SECISBP2L: variants seen among roughly 807,000 people sequenced by gnomAD.
The protein encoded by SECISBP2L is SECIS binding protein 2 like, also known as selenocysteine insertion sequence-binding protein 2-like.
In SECISBP2L, 43 loss-of-function variants were observed where a neutral mutation model predicts 114.7. The ratio of observed to expected loss-of-function variants is 0.38; its 90% CI spans 0.29 to 0.48. The LOEUF (loss-of-function observed/expected upper bound fraction) is 0.48. SECISBP2L is among the 20% of genes least tolerant of loss of function. The pLI, the probability that SECISBP2L is intolerant of heterozygous loss-of-function variation, is 0.98. For synonymous variants in SECISBP2L, 451 were observed against 439.7 expected, an observed-to-expected ratio of 1.03 and a Z score of -0.32; for missense variants, 1,136 against 1,301.1, an observed-to-expected ratio of 0.87 and a Z score of 1.95.
intron 1 of SECISBP2L, among the ~76,000 whole-genome samples, chr15:49,041,393 C>CT (rs1019206690): frequency 5.3e-5 from 8 of 152,138 alleles, no homozygotes; most frequent in Admixed American, 2.6e-4. Flanking sequence ...GCTCAAGACT[C>CT]TGTCAGAGTA....
At chr15:49,039,292 G>A (rs1031609292) in intron 1 of SECISBP2L, among the ~76,000 whole-genome samples, 1 of 152,040 alleles carries the variant, frequency 6.6e-6, no homozygotes, top group Non-Finnish European at 1.5e-5. Flanking sequence ...ATACAAGCTA[G>A]TAATTTTCAC....
intron 2 of SECISBP2L, among the ~76,000 whole-genome samples, chr15:49,037,178 T>C (rs1279530842): frequency 6.9e-6 from 1 of 143,948 alleles, no homozygotes; most frequent in Non-Finnish European, 1.5e-5. Context: ...TAATATATGC[T>C]AACCATGACA....
At chr15:49,012,889 A>G in intron 11 of SECISBP2L, 72 bp from the exon 12 acceptor site, 1 of 1,469,212 alleles carries the variant, frequency 6.8e-7, no homozygotes, top group Non-Finnish European at 9.2e-7. Context: ...TCCAATAACT[A>G]CAAAAACAAG....
rs749481109 is a variant in SECISBP2L at position 48,999,809 on chromosome 15, A to T, written c.2403+24T>A. On this transcript the variant is annotated intron_variant, in intron 16 of 17. Coordinates refer to ENST00000559471, the MANE Select transcript of SECISBP2L (RefSeq NM_001193489.2). ...TCTGGGGGATGTGCTGGAGAGCAAG[A>T]GTGTGTGTCTTCTAAATTCTTACCT... 5.6e-6 allele frequency: 9 copies of T among 1,609,334 alleles called. No homozygotes were observed. The East Asian group carries it at 1.6e-4, about 28-fold the overall frequency.
intron 16 of SECISBP2L, among the ~76,000 whole-genome samples, chr15:48,999,151 T>C (rs1271749503): frequency 6.6e-6 from 1 of 152,150 alleles, no homozygotes; most frequent in Non-Finnish European, 1.5e-5. Flanking sequence ...CAGGGGAATG[T>C]AGGATATGCA....
rs1423017833 is a variant in SECISBP2L at position 48,992,939 on chromosome 15, A to G, written c.2624-13T>C. On this transcript the variant is annotated splice_polypyrimidine_tract_variant and intron_variant, in intron 17 of 17. Coordinates refer to ENST00000559471, the MANE Select transcript of SECISBP2L (RefSeq NM_001193489.2). ...CTCCAATTTGTTTCTACAAGTATCAAGCAGATTTTTTAAAAACCAGAACAC... is the reference window on the plus strand; with the variant it reads ...CTCCAATTTGTTTCTACAAGTATCAGGCAGATTTTTTAAAAACCAGAACAC... 1.9e-6 allele frequency: 3 copies of G among 1,596,234 alleles called. No homozygotes were observed. The Admixed American group carries it at 5.2e-5, about 28-fold the overall frequency.
At position 48,991,139 on chromosome 15, in the gene SECISBP2L, T is replaced by G. The variant is rs1242823160; in HGVS notation, c.*1105A>C. The G allele has an allele frequency of 1.3e-5, 2 of 152,238 alleles. No homozygotes were observed. The highest frequency in any genetic ancestry group is 3.8e-4 in the East Asian group (2 of 5,204). The allele number at this position is 152,238 out of a possible 1,614,324, so 9.4% of individuals were successfully genotyped here. On this transcript the variant is annotated 3_prime_UTR_variant, in exon 18 of 18. Transcript: ENST00000559471. ...ACAATTAGAACAACTTTCTCTTATC[T>G]TCTAAAACTTCCTCCTCTAAGCCTT...
intron 1 of SECISBP2L, among the ~76,000 whole-genome samples, chr15:49,043,021 C>T (rs11634901): frequency 5.3e-5 from 8 of 152,056 alleles, no homozygotes; most frequent in East Asian, 1.9e-4. Flanking sequence ...AGTGAGACTC[C>T]GTCTCAAAAA....
chr15:49,010,976 T>C (rs1291332236), intron 13 of SECISBP2L, among the ~76,000 whole-genome samples: 1 of 152,132 alleles, frequency 6.6e-6, no homozygotes, highest in Non-Finnish European at 1.5e-5. Context: ...GGATGGATGA[T>C]TACACCTAAA....
intron 8 of SECISBP2L, among the ~76,000 whole-genome samples, chr15:49,017,964 ACAGACAGCTT>A (rs1389631474): frequency 6.6e-6 from 1 of 152,200 alleles, no homozygotes; most frequent in Non-Finnish European, 1.5e-5. Context: ...AAAGTGTTTA[ACAGACAGCTT>A]CATGTAAACT....
chr15:49,016,191 C>T lies in SECISBP2L; in HGVS notation c.1561+369G>A, dbSNP rs141833239. ...ATTTTAAAAAGGTCACTCCTTTTAA[C>T]GCAGACAAGGGGTTGTGGGGAGGGA... On this transcript the variant is annotated intron_variant, in intron 11 of 17. Coordinates refer to ENST00000559471, the MANE Select transcript of SECISBP2L (RefSeq NM_001193489.2). Among the ~76,000 whole-genome samples the T allele has an allele frequency of 9.1e-3, 1,385 of 152,206 alleles. 17 individuals carry two copies. The highest frequency in any genetic ancestry group is 0.017 in the Middle Eastern group (5 of 294).
Position 49,001,007 on chromosome 15 carries a change from T to C in SECISBP2L, c.2118A>G (p.Gln706=). 2 of 1,613,898 alleles carry C rather than the reference T, an allele frequency of 1.2e-6. No individual in the cohort carries two copies. Among genetic ancestry groups the C allele is most frequent in the Non-Finnish European group, 1.7e-6 (2 of 1,179,886 alleles). Residue 706 remains glutamine, a synonymous_variant, in exon 15 of 18, where the codon CAA becomes CAG. Transcript: ENST00000559471. The part of the protein sequence containing the change: ...ELVSFQERIY[Q]KDPVRAKARR... ...TTGCTTTTGCTCTTACAGGATCTTT[T>C]TGGTAGATGCGTTCCTGGAAACTGA...
chr15:49,025,888 AGAAAAGG>A (rs1248279842), intron 7 of SECISBP2L, among the ~76,000 whole-genome samples: 3 of 152,208 alleles, frequency 2.0e-5, no homozygotes, highest in Admixed American at 1.3e-4. Flanking sequence ...CTAAATCCAA[AGAAAAGG>A]CCATCAGTAT....
rs200927401 is a variant in SECISBP2L at position 48,992,126 on chromosome 15, T to G, written c.*118A>C. The G allele has an allele frequency of 1.9e-4, 172 of 918,598 alleles. No individual in the cohort carries two copies. The East Asian group carries it at 4.4e-3, about 23-fold the overall frequency. 56.9% of individuals were successfully genotyped at this position (918,598 alleles called of 1,614,324 possible). ...AACAAGTAAAAGCTACAAAAATATT[T>G]GTTGGGAATTAAATACGTATATTAA... On this transcript the variant is annotated 3_prime_UTR_variant, in exon 18 of 18. Coordinates refer to ENST00000559471, the MANE Select transcript of SECISBP2L (RefSeq NM_001193489.2).
chr15:48,990,684 T>C lies in SECISBP2L; in HGVS notation c.*1560A>G, dbSNP rs1901955391. 6.6e-6 allele frequency: 1 copy of C among 152,386 alleles called. No homozygotes were observed. Among genetic ancestry groups the C allele is most frequent in the Admixed American group, 6.6e-5 (1 of 15,254 alleles). 9.4% of individuals were successfully genotyped at this position (152,386 alleles called of 1,614,324 possible). On this transcript the variant is annotated 3_prime_UTR_variant, in exon 18 of 18. Transcript: ENST00000559471. ...AAACTAGCACAGTAGTCCCAATGAG[T>C]TCAGTAAAGAATCTGCCCAATTCTT...
chr15:49,038,656 A>G (rs1286802681), intron 1 of SECISBP2L, among the ~76,000 whole-genome samples: 2 of 152,184 alleles, frequency 1.3e-5, no homozygotes, highest in Non-Finnish European at 2.9e-5. Context: ...ATCAAGCTGT[A>G]CATTGGTTTT....
chr15:49,001,866 T>C (rs747709275), intron 14 of SECISBP2L: 11 of 152,296 alleles, frequency 7.2e-5, no homozygotes, highest in Non-Finnish European at 1.3e-4. Context: ...CTATCATTGA[T>C]GAGCATTTGG....
In SECISBP2L at chr15:48,990,107, C is replaced by T. The variant is rs1188059401; in HGVS notation, c.*2137G>A. On this transcript the variant is annotated 3_prime_UTR_variant, in exon 18 of 18. Transcript: ENST00000559471. ...AAGTCTATAGCAAAACTAAAAGTTA[C>T]CAGTGTTCTGAAGATTTCCTCAACT... 3.3e-5 allele frequency: 5 copies of T among 152,542 alleles called. No individual in the cohort carries two copies. 9.4% of individuals were successfully genotyped at this position (152,542 alleles called of 1,614,324 possible). A position where few individuals can be genotyped will look rare whatever the true frequency, so the allele number is the denominator to read the frequency against.
intron 14 of SECISBP2L, among the ~76,000 whole-genome samples, chr15:49,004,215 G>A (rs755891509): frequency 1.3e-5 from 2 of 152,114 alleles, no homozygotes; most frequent in Non-Finnish European, 2.9e-5. Flanking sequence ...AGATTTTCTT[G>A]TTTATTTGTA....
Sources: gnomAD v4.1 joint callset for allele counts (sites outside exome capture counted in the v4.1 genomes callset) on GRCh38, gnomAD v4.1.1 for gene constraint, MANE v1.5 for transcripts, NCBI Gene and HGNC (gene_info 2026-07-23, HGNC 2026-07-21) for gene names.